FHIT: variants seen among roughly 807,000 people sequenced by gnomAD.
FHIT encodes the protein fragile histidine triad diadenosine triphosphatase, also known as bis(5'-adenosyl)-triphosphatase.
In FHIT, 19 loss-of-function variants were observed where a neutral mutation model predicts 17.9. The ratio of observed to expected loss-of-function variants is 1.06; its 90% confidence interval spans 0.74 to 1.56. The LOEUF (loss-of-function observed/expected upper bound fraction) is 1.56. Among genes scored for constraint, FHIT ranks in the 40% most tolerant of loss-of-function variants. The pLI is 0.00. For missense variants in FHIT, 248 were observed against 189.2 expected, an observed-to-expected ratio of 1.31 and a Z score of -1.82; for synonymous variants, 81 against 69.7, an observed-to-expected ratio of 1.16 and a Z score of -0.81.
At chr3:60,965,329 C>T (rs144955240) in intron 3 of FHIT, among the ~76,000 whole-genome samples, 46 of 152,238 alleles carry the variant, frequency 3.0e-4, no homozygotes, top group Admixed American at 1.6e-3. Flanking sequence ...GTTAGCGATT[C>T]GTCTAATCTT....
At chr3:60,580,876 A>G (rs1189400967) in intron 4 of FHIT, among the ~76,000 whole-genome samples, 1 of 152,076 alleles carries the variant, frequency 6.6e-6, no homozygotes, top group Non-Finnish European at 1.5e-5. Context: ...ATGACAGCGA[A>G]GTGGTAGCAA....
chr3:60,806,501 AT>A (rs1701393457), intron 4 of FHIT, among the ~76,000 whole-genome samples: 1 of 152,150 alleles, frequency 6.6e-6, no homozygotes, highest in Non-Finnish European at 1.5e-5. Context: ...AGCATACACT[AT>A]TTGTACTGAT....
At chr3:60,266,476 T>C (rs937188458) in intron 5 of FHIT, among the ~76,000 whole-genome samples, 3 of 152,116 alleles carry the variant, frequency 2.0e-5, no homozygotes, top group African/African-American at 7.2e-5. Context: ...AAAATGACTA[T>C]GGTGATAGTT....
chr3:60,318,233 G>A (rs1323944013), intron 5 of FHIT, among the ~76,000 whole-genome samples: 1 of 152,144 alleles, frequency 6.6e-6, no homozygotes, highest in Non-Finnish European at 1.5e-5. Flanking sequence ...ACATTAAGGA[G>A]CAAAAATTAC....
intron 5 of FHIT, among the ~76,000 whole-genome samples, chr3:60,074,705 T>C (rs915368079): frequency 2.6e-5 from 4 of 152,098 alleles, no homozygotes; most frequent in East Asian, 1.9e-4. Flanking sequence ...GATGTTCTTG[T>C]TGGCAGAAAT....
chr3:60,544,596 ATTTTT>A (rs33965820), intron 4 of FHIT, among the ~76,000 whole-genome samples: 3 of 124,404 alleles, frequency 2.4e-5, no homozygotes, highest in African/African-American at 9.1e-5. Context: ...TTCTCAACCT[ATTTTT>A]TTTTTTTTTT....
intron 4 of FHIT, among the ~76,000 whole-genome samples, chr3:60,635,475 A>T (rs1203499800): frequency 6.6e-6 from 1 of 151,788 alleles, no homozygotes; most frequent in Non-Finnish European, 1.5e-5. Flanking sequence ...CCCCAACCAC[A>T]CTACCCTTTC....
At chr3:59,751,467 T>C (rs1700895304) in intron 9 of FHIT, 1 of 206,202 alleles carries the variant, frequency 4.8e-6, no homozygotes, top group South Asian at 1.9e-4. Flanking sequence ...CAGTCTACTA[T>C]GTGAACTGAG....
At chr3:60,955,624 A>ATG (rs1709107536) in intron 3 of FHIT, among the ~76,000 whole-genome samples, 8 of 16,444 alleles carry the variant, frequency 4.9e-4, no homozygotes, top group Middle Eastern at 0.029. Flanking sequence ...ATATATATAT[A>ATG]TATATATATA....
At chr3:60,342,628 T>A (rs73104916) in intron 5 of FHIT, among the ~76,000 whole-genome samples, 1 of 151,982 alleles carries the variant, frequency 6.6e-6, no homozygotes, top group African/African-American at 2.4e-5. Context: ...AAGTAAAGCA[T>A]GAAGACTTAA....
chr3:60,935,549 A>G (rs529117065), intron 3 of FHIT, among the ~76,000 whole-genome samples: 9 of 152,232 alleles, frequency 5.9e-5, no homozygotes, highest in Non-Finnish European at 1.0e-4. Flanking sequence ...GTTTCAAACA[A>G]TCCACACAGA....
At chr3:60,895,651 C>T (rs906536916) in intron 3 of FHIT, among the ~76,000 whole-genome samples, 16 of 136,072 alleles carry the variant, frequency 1.2e-4, no homozygotes, top group South Asian at 2.4e-4. Flanking sequence ...CTTCCTTTCC[C>T]TCCTTCCTTC....
chr3:59,891,944 G>T (rs961760265), intron 8 of FHIT, among the ~76,000 whole-genome samples: 1 of 152,164 alleles, frequency 6.6e-6, no homozygotes, highest in Middle Eastern at 3.2e-3. Flanking sequence ...TTAGAAAGCA[G>T]ACATGATGAA....
intron 3 of FHIT, among the ~76,000 whole-genome samples, chr3:60,945,340 G>C (rs1427273879): frequency 1.3e-5 from 2 of 152,184 alleles, no homozygotes; most frequent in African/African-American, 2.4e-5. Flanking sequence ...GAAGAGCCTT[G>C]AGGTCATAGC....
chr3:61,247,597 T>C (rs1208653434), intron 1 of FHIT, among the ~76,000 whole-genome samples: 1 of 152,222 alleles, frequency 6.6e-6, no homozygotes, highest in African/African-American at 2.4e-5. Flanking sequence ...AGTGTCACTG[T>C]GCTGACAAGA....
chr3:60,362,965 T>C (rs1021759600), intron 5 of FHIT, among the ~76,000 whole-genome samples: 11 of 152,158 alleles, frequency 7.2e-5, no homozygotes, highest in African/African-American at 2.7e-4. Flanking sequence ...CTTTTGGAAA[T>C]GTCCTTTAAT....
At chr3:60,522,208 T>C (rs1310990654) in intron 5 of FHIT, among the ~76,000 whole-genome samples, 1 of 150,574 alleles carries the variant, frequency 6.6e-6, no homozygotes, top group African/African-American at 2.4e-5. Context: ...CCCCCTGAGT[T>C]CAAGCAATTA....
chr3:60,015,279 T>C (rs920765605), intron 5 of FHIT, among the ~76,000 whole-genome samples: 1 of 152,102 alleles, frequency 6.6e-6, no homozygotes, highest in Non-Finnish European at 1.5e-5. Context: ...TCAGGCCTGA[T>C]TTCCATAAGA....
At chr3:60,450,857 A>G (rs2031691619) in intron 5 of FHIT, among the ~76,000 whole-genome samples, 1 of 152,210 alleles carries the variant, frequency 6.6e-6, no homozygotes, top group African/African-American at 2.4e-5. Flanking sequence ...ATTAGGTACT[A>G]GTGACTTCGA....
Sources: allele counts gnomAD v4.1 joint callset (sites outside exome capture counted in the v4.1 genomes callset), GRCh38; gene constraint gnomAD v4.1.1; transcripts MANE v1.5; gene names NCBI Gene and HGNC (gene_info 2026-07-23, HGNC 2026-07-21).